TAFA2: variants seen among roughly 807,000 people sequenced by gnomAD.
TAFA2 encodes the protein TAFA chemokine like family member 2, also known as chemokine-like protein TAFA-2.
Under a neutral mutation model 18.8 loss-of-function variants are expected in TAFA2, and 7 were observed. That is an observed-to-expected ratio of 0.37 (90% CI 0.21 to 0.70). The LOEUF is 0.70. TAFA2 is among the 30% of genes least tolerant of loss of function. The pLI is 0.53. For synonymous variants in TAFA2, 60 were observed against 54.2 expected, an observed-to-expected ratio of 1.11 and a Z score of -0.47; for missense variants, 122 against 158.1, an observed-to-expected ratio of 0.77 and a Z score of 1.23.
At chr12:61,758,145 G>A (rs962941352) in intron 2 of TAFA2, among the ~76,000 whole-genome samples, 1 of 151,670 alleles carries the variant, frequency 6.6e-6, no homozygotes, top group South Asian at 2.1e-4. Context: ...TCATGTTAGT[G>A]GCATGAAAAA....
At chr12:61,749,625 A>C (rs1004942409) in intron 4 of TAFA2, among the ~76,000 whole-genome samples, 1 of 152,158 alleles carries the variant, frequency 6.6e-6, no homozygotes, top group Non-Finnish European at 1.5e-5. Flanking sequence ...ATTTGAAGGA[A>C]CATTTAAAAA....
At chr12:61,913,613 G>T (rs759856518) in intron 1 of TAFA2, among the ~76,000 whole-genome samples, 1 of 152,090 alleles carries the variant, frequency 6.6e-6, no homozygotes, top group African/African-American at 2.4e-5. Context: ...AAGTAGATAG[G>T]GATCATGATT....
intron 2 of TAFA2, among the ~76,000 whole-genome samples, chr12:61,795,380 C>T (rs1464289889): frequency 2.0e-5 from 3 of 152,042 alleles, no homozygotes; most frequent in Admixed American, 2.0e-4. Context: ...CATATATACA[C>T]CATGGAATAC....
intron 1 of TAFA2, among the ~76,000 whole-genome samples, chr12:62,052,239 G>A (rs1040694595): frequency 6.6e-6 from 1 of 151,968 alleles, no homozygotes; most frequent in Non-Finnish European, 1.5e-5. Context: ...TGTTTCCCAG[G>A]GACTGGAAGG....
chr12:61,904,919 T>C (rs946144536), intron 1 of TAFA2, among the ~76,000 whole-genome samples: 1 of 152,190 alleles, frequency 6.6e-6, no homozygotes. Flanking sequence ...GTTACAAAAA[T>C]CTACTGTGTT....
chr12:62,232,412 C>T (rs886899691), intron 1 of TAFA2, among the ~76,000 whole-genome samples: 2 of 152,212 alleles, frequency 1.3e-5, no homozygotes, highest in Non-Finnish European at 2.9e-5. Flanking sequence ...ATCTCACCAT[C>T]CCCTTTACTA....
chr12:62,174,992 T>C (rs568530103), intron 1 of TAFA2, among the ~76,000 whole-genome samples: 102 of 152,294 alleles, frequency 6.7e-4, no homozygotes, highest in African/African-American at 2.4e-3. Flanking sequence ...CATAGCACAG[T>C]GCCTGAAACC....
intron 1 of TAFA2, among the ~76,000 whole-genome samples, chr12:62,154,101 A>G (rs1165384004): frequency 4.6e-5 from 7 of 152,118 alleles, no homozygotes; most frequent in Non-Finnish European, 5.9e-5. Flanking sequence ...TTTTATTATT[A>G]AAGGAATGCA....
chr12:61,818,711 A>G (rs1872197968), intron 2 of TAFA2, among the ~76,000 whole-genome samples: 1 of 152,186 alleles, frequency 6.6e-6, no homozygotes, highest in African/African-American at 2.4e-5. Flanking sequence ...GATAGTCTTA[A>G]TAAGCTGCAT....
chr12:61,953,851 G>A (rs1053010723), intron 1 of TAFA2, among the ~76,000 whole-genome samples: 22 of 152,210 alleles, frequency 1.4e-4, no homozygotes, highest in African/African-American at 5.1e-4. Flanking sequence ...AGGACATTTC[G>A]CTAATAGTGC....
intron 2 of TAFA2, among the ~76,000 whole-genome samples, chr12:61,787,184 C>A (rs1870775098): frequency 6.6e-6 from 1 of 150,386 alleles, no homozygotes; most frequent in Admixed American, 6.6e-5. Context: ...AAAAAAAAAA[C>A]CTGTTAGCCA....
chr12:61,979,207 A>G (rs754394111), intron 1 of TAFA2, among the ~76,000 whole-genome samples: 5 of 152,156 alleles, frequency 3.3e-5, no homozygotes, highest in African/African-American at 7.2e-5. Context: ...ATTGTGCAGT[A>G]CATTGTCTAA....
In TAFA2 at chr12:62,232,711, C is replaced by G. The variant is rs141941643; in HGVS notation, c.-130+26052G>C. On this transcript the variant is annotated intron_variant, in intron 1 of 5. Coordinates refer to the TAFA2 transcript ENST00000551619. ...ATTTTTAGTAGAGATAGGGTTTCAC[C>G]ATGATGGCCAGGCTGGTCTTGAACT... Among the ~76,000 whole-genome samples, 55 of 152,184 alleles carry G rather than the reference C, an allele frequency of 3.6e-4. No individual in the cohort carries two copies. The East Asian group carries it at 7.7e-3, about 21-fold the overall frequency.
chr12:62,057,079 G>A (rs969706251), intron 1 of TAFA2, among the ~76,000 whole-genome samples: 6 of 152,116 alleles, frequency 3.9e-5, no homozygotes, highest in African/African-American at 1.4e-4. Flanking sequence ...TGAAGGTTGG[G>A]ATGAACTTAC....
At chr12:62,001,688 C>T (rs1880381028) in intron 1 of TAFA2, among the ~76,000 whole-genome samples, 1 of 152,094 alleles carries the variant, frequency 6.6e-6, no homozygotes. Context: ...CCTCCTGCTG[C>T]TCACCCCCTG....
At chr12:62,173,283 C>T (rs1592381617) in intron 1 of TAFA2, among the ~76,000 whole-genome samples, 1 of 151,950 alleles carries the variant, frequency 6.6e-6, no homozygotes. Context: ...GCACGTCGTG[C>T]GCGCCTGTAA....
intron 1 of TAFA2, among the ~76,000 whole-genome samples, chr12:61,969,796 C>T (rs1181768336): frequency 1.3e-5 from 2 of 151,618 alleles, no homozygotes; most frequent in African/African-American, 2.4e-5. Context: ...TTGAAGAGTT[C>T]AAATTCACAA....
intron 1 of TAFA2, among the ~76,000 whole-genome samples, chr12:61,871,534 G>A (rs1047571198): frequency 3.3e-5 from 5 of 152,144 alleles, no homozygotes; most frequent in Non-Finnish European, 4.4e-5. Flanking sequence ...GGAAACTAAA[G>A]GAAAATACAC....
intron 2 of TAFA2, among the ~76,000 whole-genome samples, chr12:61,832,891 C>T (rs992724985): frequency 6.6e-6 from 1 of 151,650 alleles, no homozygotes; most frequent in Admixed American, 6.6e-5. Context: ...TCTTGACCAG[C>T]TCATCCAATA....
Sources: allele counts gnomAD v4.1 joint callset (sites outside exome capture counted in the v4.1 genomes callset), GRCh38; gene constraint gnomAD v4.1.1; transcripts MANE v1.5; gene names NCBI Gene and HGNC (gene_info 2026-07-23, HGNC 2026-07-21).